Variants in SUMF1 observed in about 807,000 individuals in gnomAD.
The protein encoded by SUMF1 is sulfatase modifying factor 1, also known as formylglycine-generating enzyme.
In SUMF1, 48 loss-of-function variants were observed where a neutral mutation model predicts 47.6. That is an observed-to-expected ratio of 1.01 (90% CI 0.80 to 1.28). The LOEUF (loss-of-function observed/expected upper bound fraction) is 1.28, where lower values mean the gene tolerates loss of function less well. SUMF1 is among the 50% of genes most tolerant of loss of function. SUMF1 has a pLI of 0.00. For missense variants in SUMF1, 571 were observed against 485.4 expected, an observed-to-expected ratio of 1.18 and a Z score of -1.66; for synonymous variants, 230 against 192.1, an observed-to-expected ratio of 1.20 and a Z score of -1.63.
chr3:4,287,597 C>A (rs184676630), intron 8 of SUMF1, among the ~76,000 whole-genome samples: 2 of 152,214 alleles, frequency 1.3e-5, no homozygotes, highest in East Asian at 3.9e-4. Context: ...AAGATAGGAC[C>A]TCACCAAAAG....
chr3:4,366,389 A>G (rs1431549933), intron 8 of SUMF1, among the ~76,000 whole-genome samples: 1 of 151,998 alleles, frequency 6.6e-6, no homozygotes, highest in East Asian at 1.9e-4. Flanking sequence ...ACATAGTCCC[A>G]TATTTCTTGG....
intron 9 of SUMF1, among the ~76,000 whole-genome samples, chr3:4,059,674 A>C (rs1388426540): frequency 2.6e-5 from 4 of 151,582 alleles, no homozygotes; most frequent in Non-Finnish European, 5.9e-5. Flanking sequence ...AACGAAAACA[A>C]TTTCTGCCTT....
rs1286262454 is a variant in SUMF1, at chr3:4,342,107, C to T, written c.1014+34223G>A. ...TGCCAGATGTAATCTAGCAGGCTAA[C>T]TTTAGGTCTTCAATTCCAACAAATG... is the stretch of plus-strand genomic sequence containing the variant. On this transcript the variant is annotated intron_variant and NMD_transcript_variant, in intron 8 of 12. Transcript: ENST00000448413. 3.9e-5 allele frequency among the ~76,000 whole-genome samples: 6 copies of T among 152,206 alleles called. No individual in the cohort carries two copies. In the South Asian group the frequency reaches 1.2e-3, roughly 32 times the overall value.
At chr3:4,209,785 G>A (rs1219802525) in intron 8 of SUMF1, among the ~76,000 whole-genome samples, 1 of 151,986 alleles carries the variant, frequency 6.6e-6, no homozygotes, top group Non-Finnish European at 1.5e-5. Flanking sequence ...TCAAATACTT[G>A]GGAATACATT....
chr3:4,267,479 T>C (rs1697219670), intron 8 of SUMF1, among the ~76,000 whole-genome samples: 1 of 152,196 alleles, frequency 6.6e-6, no homozygotes, highest in Admixed American at 6.5e-5. Context: ...GAGGAATTTA[T>C]CCATTTCTTC....
intron 8 of SUMF1, among the ~76,000 whole-genome samples, chr3:4,256,019 G>A (rs1696946180): frequency 6.7e-6 from 1 of 149,884 alleles, no homozygotes; most frequent in Non-Finnish European, 1.5e-5. Context: ...ATGACTACTG[G>A]GTACATAATA....
chr3:4,413,673 C>T (rs1254738379), intron 6 of SUMF1, among the ~76,000 whole-genome samples: 1 of 151,846 alleles, frequency 6.6e-6, no homozygotes, highest in African/African-American at 2.4e-5. Flanking sequence ...GTGTAACAAG[C>T]AGAATGGCAA....
intron 1 of SUMF1, among the ~76,000 whole-genome samples, chr3:4,460,125 G>A (rs746796809): frequency 2.6e-5 from 4 of 152,164 alleles, no homozygotes; most frequent in Non-Finnish European, 5.9e-5. Context: ...GTGCACAAAT[G>A]CTAAGTATGG....
At chr3:4,345,772 G>A (rs1006679196) in intron 8 of SUMF1, among the ~76,000 whole-genome samples, 6 of 152,140 alleles carry the variant, frequency 3.9e-5, no homozygotes, top group Middle Eastern at 3.2e-3. Context: ...CCATCAGCAT[G>A]CTGTATTCAG....
intron 3 of SUMF1, among the ~76,000 whole-genome samples, chr3:4,444,923 G>A (rs558951969): frequency 6.6e-6 from 1 of 152,232 alleles, no homozygotes; most frequent in South Asian, 2.1e-4. Flanking sequence ...AGGGGAGGGA[G>A]CAGATCTTGG....
At chr3:4,388,453 CATA>C (rs1258988429) in intron 7 of SUMF1, among the ~76,000 whole-genome samples, 2 of 151,800 alleles carry the variant, frequency 1.3e-5, no homozygotes, top group Non-Finnish European at 2.9e-5. Context: ...GCTTATATAT[CATA>C]ATATTTGAAG....
intron 8 of SUMF1, among the ~76,000 whole-genome samples, chr3:4,069,725 A>C (rs531520051): frequency 6.6e-6 from 1 of 152,272 alleles, no homozygotes; most frequent in African/African-American, 2.4e-5. Context: ...AATTCTGATC[A>C]GATGGGTTTT....
At position 4,440,845 on chromosome 3, in the gene SUMF1, C is replaced by A. The variant is rs6801453; in HGVS notation, c.519+8421G>T. 5.3e-4 allele frequency among the ~76,000 whole-genome samples: 81 copies of A among 152,350 alleles called. 1 individual carries two copies. Among genetic ancestry groups the A allele is most frequent in the African/African-American group, 1.8e-3 (74 of 41,584 alleles). On this transcript the variant is annotated intron_variant, in intron 3 of 8. Coordinates refer to ENST00000272902, the MANE Select transcript of SUMF1 (RefSeq NM_182760.4). ...GAAGAGAGAATCCTTGTTCCTCAAG[C>A]TCCCACCAACAGCAACTGTTTTCTA...
At chr3:4,350,418 A>G (rs1448950752) in intron 8 of SUMF1, among the ~76,000 whole-genome samples, 1 of 151,912 alleles carries the variant, frequency 6.6e-6, no homozygotes, top group Non-Finnish European at 1.5e-5. Flanking sequence ...ATATATCCAT[A>G]TATACATGTA....
chr3:4,278,271 T>C (rs1041869527), intron 8 of SUMF1, among the ~76,000 whole-genome samples: 6 of 152,088 alleles, frequency 3.9e-5, no homozygotes, highest in Admixed American at 2.6e-4. Flanking sequence ...GGTAATAATC[T>C]TGATATATTG....
chr3:4,119,077 A>G (rs909795627), intron 8 of SUMF1, among the ~76,000 whole-genome samples: 3 of 152,132 alleles, frequency 2.0e-5, no homozygotes, highest in African/African-American at 7.2e-5. Flanking sequence ...AATCCACCTA[A>G]TCTGCTACAT....
At chr3:4,155,694 C>T (rs1694436852) in intron 8 of SUMF1, among the ~76,000 whole-genome samples, 1 of 151,484 alleles carries the variant, frequency 6.6e-6, no homozygotes, top group African/African-American at 2.5e-5. Flanking sequence ...ATTTAGTAAA[C>T]TCTTTCATGC....
intron 3 of SUMF1, among the ~76,000 whole-genome samples, chr3:4,423,328 C>T (rs1378645365): frequency 1.3e-5 from 2 of 148,948 alleles, no homozygotes; most frequent in Non-Finnish European, 3.0e-5. Flanking sequence ...TGGAATACTA[C>T]TCAGCCATAA....
chr3:4,165,435 G>C (rs969668445), intron 8 of SUMF1, among the ~76,000 whole-genome samples: 1 of 152,070 alleles, frequency 6.6e-6, no homozygotes, highest in Non-Finnish European at 1.5e-5. Flanking sequence ...CTTCTGGGTG[G>C]GGGAGATTAA....
Sources: gnomAD v4.1 joint callset for allele counts (sites outside exome capture counted in the v4.1 genomes callset) on GRCh38, gnomAD v4.1.1 for gene constraint, MANE v1.5 for transcripts, NCBI Gene and HGNC (gene_info 2026-07-23, HGNC 2026-07-21) for gene names.